The following ROR1 variants were observed in gnomAD, a reference collection of about 807,000 sequenced individuals.
ROR1 encodes inactive tyrosine-protein kinase transmembrane receptor ROR1.
In ROR1, 19 loss-of-function variants were observed where a neutral mutation model predicts 78.8. The observed-to-expected ratio is 0.24, with a 90% CI of 0.17 to 0.35. The LOEUF is 0.35. Ranked by LOEUF, ROR1 falls within the 10% of genes least tolerant of loss-of-function variation. The probability of loss-of-function intolerance (pLI) is 1.00; values close to 1 mark genes in which losing one functional copy is unlikely to be tolerated. For synonymous variants in ROR1, 386 were observed against 433.6 expected, an observed-to-expected ratio of 0.89 and a Z score of 1.36; for missense variants, 917 against 1,177.8, an observed-to-expected ratio of 0.78 and a Z score of 3.24.
chr1:63,990,496 G>GGATGTTTTT (rs11283333), intron 1 of ROR1, among the ~76,000 whole-genome samples: 1 of 151,478 alleles, frequency 6.6e-6, no homozygotes, highest in African/African-American at 2.4e-5. Flanking sequence ...AAAGAATTCT[G>GGATGTTTTT]GATTTACATG....
At chr1:63,849,667 A>C (rs1489082393) in intron 1 of ROR1, among the ~76,000 whole-genome samples, 1 of 152,198 alleles carries the variant, frequency 6.6e-6, no homozygotes, top group Non-Finnish European at 1.5e-5. Flanking sequence ...CCCACACTAC[A>C]GCCTGAGGGA....
At chr1:63,975,291 A>G (rs903513079) in intron 1 of ROR1, among the ~76,000 whole-genome samples, 1 of 152,210 alleles carries the variant, frequency 6.6e-6, no homozygotes, top group South Asian at 2.1e-4. Flanking sequence ...TTATGTTTTT[A>G]TAGTACTATA....
At position 64,032,266 on chromosome 1, in the gene ROR1, G is replaced by A. The variant is rs188840643; in HGVS notation, c.164-17425G>A. On this transcript the variant is annotated intron_variant, in intron 2 of 8. Coordinates refer to ENST00000371079, the MANE Select transcript of ROR1 (RefSeq NM_005012.4). ...TGAGGCAGGAGAATGGTGTGAACCC[G>A]GGAGGAGGAGCTTGCAGTGAGCCGA... Among the ~76,000 whole-genome samples, 447 of 150,368 alleles carry A rather than the reference G, an allele frequency of 3.0e-3. 5 individuals carry two copies. The highest frequency in any genetic ancestry group is 0.01 in the African/African-American group (413 of 40,878).
At chr1:64,003,803 A>T (rs563949079) in intron 1 of ROR1, among the ~76,000 whole-genome samples, 1 of 152,328 alleles carries the variant, frequency 6.6e-6, no homozygotes, top group East Asian at 1.9e-4. Flanking sequence ...GGGCGTCTCC[A>T]TTGAGGCACT....
At position 64,178,807 on chromosome 1, in the gene ROR1, C is replaced by G. The variant is rs75566046; in HGVS notation, c.2766C>G (p.Asp922Glu). 10 of 1,613,918 alleles carry G rather than the reference C, an allele frequency of 6.2e-6. No individual in the cohort carries two copies. The highest frequency in any genetic ancestry group is 8.5e-6 in the Non-Finnish European group (10 of 1,179,974). ...CAAAGCAAGCATCTTTACTAGGAGACGCCAATATTCATGGACACACCGAAT... is the reference window on the plus strand; with the variant it reads ...CAAAGCAAGCATCTTTACTAGGAGAGGCCAATATTCATGGACACACCGAAT... ...IDSKQASLLG[D>E]ANIHGHTESM... Residue 922 changes from aspartate to glutamate, a missense_variant, in exon 9 of 9, where the codon GAC becomes GAG. Asp to Glu is a conservative substitution (Grantham distance 45). Around this residue, in one of 3 missense-constraint regions of ROR1, gnomAD observed 835 missense variants for 1,069.8 expected, o/e 0.78. Coordinates refer to ENST00000371079, the MANE Select transcript of ROR1 (RefSeq NM_005012.4). The surrounding 1 kb of genome is among the most constrained non-coding windows in gnomAD (Gnocchi z 4.3).
At chr1:63,997,847 AG>A (rs1646351117) in intron 1 of ROR1, among the ~76,000 whole-genome samples, 1 of 144,458 alleles carries the variant, frequency 6.9e-6, no homozygotes, top group South Asian at 2.2e-4. Flanking sequence ...TTTTTTTAAA[AG>A]TCTTTACCCA....
At chr1:64,093,168 GA>G (rs1647218098) in intron 4 of ROR1, among the ~76,000 whole-genome samples, 1 of 152,188 alleles carries the variant, frequency 6.6e-6, no homozygotes, top group Non-Finnish European at 1.5e-5. Flanking sequence ...TGCATCTTGA[GA>G]GGATGTGTTG....
chr1:63,963,599 A>T (rs1195938244), intron 1 of ROR1, among the ~76,000 whole-genome samples: 1 of 151,436 alleles, frequency 6.6e-6, no homozygotes, highest in African/African-American at 2.4e-5. Context: ...AAAAAAAAAC[A>T]AAACAAAAAG....
intron 1 of ROR1, among the ~76,000 whole-genome samples, chr1:63,804,957 T>G (rs1309841826): frequency 6.6e-6 from 1 of 152,228 alleles, no homozygotes; most frequent in Non-Finnish European, 1.5e-5. Context: ...CTTCACATTT[T>G]CATATTAATG....
intron 4 of ROR1, among the ~76,000 whole-genome samples, chr1:64,062,864 A>G (rs1371985926): frequency 6.6e-6 from 1 of 152,244 alleles, no homozygotes; most frequent in Non-Finnish European, 1.5e-5. Flanking sequence ...AGTTCTTCAC[A>G]TAAATATTGT....
At chr1:63,872,742 A>C (rs925674715) in intron 1 of ROR1, among the ~76,000 whole-genome samples, 2 of 152,202 alleles carry the variant, frequency 1.3e-5, no homozygotes, top group Non-Finnish European at 2.9e-5. Context: ...GAACTCATCT[A>C]TCTTACTGTA....
At chr1:63,843,508 T>C (rs561763984) in intron 1 of ROR1, 17 of 755,770 alleles carry the variant, frequency 2.2e-5, no homozygotes, top group Non-Finnish European at 3.5e-5. Context: ...ATGGTCTGGC[T>C]CACATCGCCC....
At chr1:63,985,829 C>G (rs958786311) in intron 1 of ROR1, among the ~76,000 whole-genome samples, 4 of 151,912 alleles carry the variant, frequency 2.6e-5, no homozygotes, top group African/African-American at 9.7e-5. Context: ...TAGGTCCCAT[C>G]CCTAAGATAT....
At chr1:63,794,447 A>G (rs1315758472) in intron 1 of ROR1, among the ~76,000 whole-genome samples, 2 of 152,196 alleles carry the variant, frequency 1.3e-5, no homozygotes, top group Non-Finnish European at 2.9e-5. Flanking sequence ...TCTGGCATCG[A>G]AACTGGCTTC....
At chr1:64,006,159 G>T (rs1646426023) in intron 1 of ROR1, among the ~76,000 whole-genome samples, 1 of 152,210 alleles carries the variant, frequency 6.6e-6, no homozygotes, top group African/African-American at 2.4e-5. Flanking sequence ...ACTGTAAAAT[G>T]AAACTATATT....
chr1:63,792,704 C>A (rs982395295), intron 1 of ROR1, among the ~76,000 whole-genome samples: 14 of 152,206 alleles, frequency 9.2e-5, no homozygotes, highest in African/African-American at 3.4e-4. Context: ...CTTTATTCTT[C>A]TTCTTATTAC....
chr1:64,009,318 A>T lies in ROR1; in HGVS notation c.105A>T (p.Ser35=). 1 of 1,613,148 alleles carries T rather than the reference A, an allele frequency of 6.2e-7. No homozygotes were observed. Among genetic ancestry groups the T allele is most frequent in the East Asian group, 2.2e-5 (1 of 44,854 alleles). The part of the protein sequence containing the change: ...RGAAAQETEL[S]VSAELVPTSS... ...TTTTCTTTTCAGAAACAGAGCTGTC[A>T]GTCAGTGCTGAATTAGTGCCTACCT... Residue 35 remains serine, a synonymous_variant, in exon 2 of 9, where the codon TCA becomes TCT. Transcript: ENST00000371079.
chr1:64,138,527 G>A (rs1649196907), intron 5 of ROR1, among the ~76,000 whole-genome samples: 1 of 151,834 alleles, frequency 6.6e-6, no homozygotes, highest in South Asian at 2.1e-4. Context: ...GAGGAGGCTG[G>A]GGGGAAGAGG....
At chr1:63,990,305 T>C (rs1486552493) in intron 1 of ROR1, among the ~76,000 whole-genome samples, 1 of 152,136 alleles carries the variant, frequency 6.6e-6, no homozygotes, top group Non-Finnish European at 1.5e-5. Flanking sequence ...CAAGGAGCAC[T>C]TTGAACGTGG....
Sources: allele counts gnomAD v4.1 joint callset (sites outside exome capture counted in the v4.1 genomes callset), GRCh38; gene constraint gnomAD v4.1.1; regional missense constraint gnomAD v4.1.1; non-coding constraint Gnocchi (gnomAD v3.1); transcripts MANE v1.5; gene names NCBI Gene and HGNC (gene_info 2026-07-23, HGNC 2026-07-21).